TRAK2: variants seen among roughly 807,000 people sequenced by gnomAD.
TRAK2 encodes the protein trafficking kinesin protein 2, also known as trafficking kinesin-binding protein 2.
Under a neutral mutation model 104.6 loss-of-function variants are expected in TRAK2, and 81 were observed. That is an observed-to-expected ratio of 0.77 (90% CI 0.65 to 0.93). TRAK2 has a LOEUF of 0.93. Ranked by LOEUF, TRAK2 falls within the 40% of genes least tolerant of loss-of-function variation. The pLI, the probability that TRAK2 is intolerant of heterozygous loss-of-function variation, is 0.00. For synonymous variants in TRAK2, 406 were observed against 394.4 expected (o/e 1.03, Z -0.35); for missense variants, 1,002 against 1,089.0 (o/e 0.92, Z 1.12).
intron 3 of TRAK2, among the ~76,000 whole-genome samples, chr2:201,403,078 T>TAA (rs11399150): frequency 1.3e-5 from 2 of 152,216 alleles, no homozygotes; most frequent in East Asian, 3.9e-4. Flanking sequence ...GTTAAGGATA[T>TAA]AAAAACAACT....
At chr2:201,401,173 A>C in intron 3 of TRAK2, 79 bp from the exon 4 acceptor site, 13 of 885,610 alleles carry the variant, frequency 1.5e-5, no homozygotes, top group Non-Finnish European at 2.2e-5. Flanking sequence ...TTGAGAGATA[A>C]CAACAACAAA....
intron 1 of TRAK2, among the ~76,000 whole-genome samples, chr2:201,428,014 GT>G (rs1051706770): frequency 6.6e-6 from 1 of 152,140 alleles, no homozygotes; most frequent in African/African-American, 2.4e-5. Context: ...TGATGGGGTT[GT>G]TTGATTTTTT....
intron 1 of TRAK2, among the ~76,000 whole-genome samples, chr2:201,446,864 G>T (rs983111568): frequency 1.3e-5 from 2 of 152,204 alleles, no homozygotes; most frequent in African/African-American, 4.8e-5. Flanking sequence ...AAAGCTTTAT[G>T]ATCTATACAA....
chr2:201,405,604 C>T (rs1559444660), intron 3 of TRAK2, among the ~76,000 whole-genome samples: 1 of 152,118 alleles, frequency 6.6e-6, no homozygotes. Flanking sequence ...CCACAAAGAA[C>T]AAATAAACTA....
Position 201,378,502 on chromosome 2 carries a change from T to C in TRAK2, c.*2041A>G, listed in dbSNP as rs1438605608. ...AGTAATTACTTTCTTAGGGAACAAATAAAAAATTTTAAGAATTGACTAAAG... is the reference window on the plus strand; with the variant it reads ...AGTAATTACTTTCTTAGGGAACAAACAAAAAATTTTAAGAATTGACTAAAG... On this transcript the variant is annotated 3_prime_UTR_variant, in exon 16 of 16. Transcript: ENST00000332624. 1.3e-5 allele frequency: 2 copies of C among 152,066 alleles called. No individual in the cohort carries two copies. The highest frequency in any genetic ancestry group is 1.5e-5 in the Non-Finnish European group (1 of 67,996). 9.4% of individuals were successfully genotyped at this position (152,066 alleles called of 1,614,324 possible).
intron 1 of TRAK2, among the ~76,000 whole-genome samples, chr2:201,448,126 T>C (rs1308275110): frequency 6.6e-6 from 1 of 152,256 alleles, no homozygotes; most frequent in African/African-American, 2.4e-5. Context: ...AGTTTACTTA[T>C]CTGTGACTCT....
At chr2:201,410,255 G>A (rs1252447615) in intron 2 of TRAK2, among the ~76,000 whole-genome samples, 8 of 151,712 alleles carry the variant, frequency 5.3e-5, no homozygotes, top group Non-Finnish European at 8.8e-5. Flanking sequence ...GCAGTGAGCC[G>A]AGATCGCGCC....
intron 10 of TRAK2, among the ~76,000 whole-genome samples, chr2:201,390,637 T>C (rs1951438724): frequency 6.8e-6 from 1 of 146,300 alleles, no homozygotes; most frequent in South Asian, 2.2e-4. Flanking sequence ...TATTAAAAAA[T>C]CACTTAAAAA....
Position 201,420,537 on chromosome 2 carries a change from G to A in TRAK2, c.-30C>T. 6.4e-7 allele frequency: 1 copy of A among 1,562,668 alleles called. No homozygotes were observed. Among genetic ancestry groups the A allele is most frequent in the Non-Finnish European group, 8.8e-7 (1 of 1,133,582 alleles). On this transcript the variant is annotated 5_prime_UTR_variant, in exon 2 of 16. Transcript: ENST00000332624. ...GATCCTTTCTTGCTTTGGTTGAGAA[G>A]GACAGCTTTGGTATGAATCAGAGTA...
intron 1 of TRAK2, among the ~76,000 whole-genome samples, chr2:201,427,909 G>C (rs562508416): frequency 6.6e-6 from 1 of 152,284 alleles, no homozygotes; most frequent in East Asian, 1.9e-4. Context: ...GCATTTCTCT[G>C]ATGGCCAGTG....
At chr2:201,396,413 A>G (rs1951502145) in intron 7 of TRAK2, among the ~76,000 whole-genome samples, 1 of 152,126 alleles carries the variant, frequency 6.6e-6, no homozygotes, top group Admixed American at 6.6e-5. Flanking sequence ...CATTGTTTTC[A>G]ATGTAAAAGG....
chr2:201,409,439 T>C (rs1462210136), intron 2 of TRAK2, among the ~76,000 whole-genome samples: 1 of 152,216 alleles, frequency 6.6e-6, no homozygotes, highest in Non-Finnish European at 1.5e-5. Context: ...AAATGAAATA[T>C]GAAGTTAGTA....
In TRAK2 at chr2:201,420,427, C is replaced by G. The variant is rs147712080; in HGVS notation, c.81G>C (p.Glu27Asp). 1 of 1,613,690 alleles carries G rather than the reference C, an allele frequency of 6.2e-7. No individual in the cohort carries two copies. Among genetic ancestry groups the G allele is most frequent in the Admixed American group, 1.7e-5 (1 of 59,998 alleles). Residue 27 changes from glutamate (E) to aspartate (D), a missense_variant, in exon 2 of 16, where the codon GAG (glutamate) becomes GAC (aspartate). Physicochemically the swap from Glu to Asp is conservative, Grantham distance 45. Transcript: ENST00000332624. The stretch of plus-strand genomic sequence containing the variant: ...TTAAACTGGACTTACCAGTGATGCT[C>G]TCCGAGTCTCTGTGATTGCTATTCA... ...NLMNSNHRDS[E>D]SITDVCSNED...
At chr2:201,384,290 T>A (rs916709737) in intron 14 of TRAK2, 74 bp from the exon 15 acceptor site, 9 of 1,051,820 alleles carry the variant, frequency 8.6e-6, no homozygotes, top group African/African-American at 4.9e-5. Flanking sequence ...CATCATTATT[T>A]ATTAATAATA....
At chr2:201,402,664 A>C (rs1176961817) in intron 3 of TRAK2, among the ~76,000 whole-genome samples, 1 of 152,140 alleles carries the variant, frequency 6.6e-6, no homozygotes, top group African/African-American at 2.4e-5. Flanking sequence ...AATTAAGGCA[A>C]ATACTTACAG....
At chr2:201,423,015 A>T (rs1362915221) in intron 1 of TRAK2, among the ~76,000 whole-genome samples, 1 of 148,450 alleles carries the variant, frequency 6.7e-6, no homozygotes, top group Non-Finnish European at 1.5e-5. Context: ...TTTATGTTGG[A>T]ATAACAACAG....
At position 201,378,785 on chromosome 2, in the gene TRAK2, A is replaced by C. The variant is rs1951311621; in HGVS notation, c.*1758T>G. 6.6e-6 allele frequency: 1 copy of C among 152,322 alleles called. No individual in the cohort carries two copies. The highest frequency in any genetic ancestry group is 6.5e-5 in the Admixed American group (1 of 15,302). The allele number at this position is 152,322 out of a possible 1,614,324, so 9.4% of individuals were successfully genotyped here. A position where few individuals can be genotyped will look rare whatever the true frequency, so the allele number is the denominator to read the frequency against. On this transcript the variant is annotated 3_prime_UTR_variant, in exon 16 of 16. Transcript: ENST00000332624. ...TTTGTTTTTGTGGAATTTATTTAGA[A>C]AAATTTTATTGAGAGATTCTAAAAA...
At chr2:201,442,079 T>C (rs1208873720) in intron 1 of TRAK2, among the ~76,000 whole-genome samples, 2 of 151,184 alleles carry the variant, frequency 1.3e-5, no homozygotes, top group African/African-American at 4.9e-5. Flanking sequence ...GGTAGGTGCC[T>C]ATAGTGGAAA....
At chr2:201,390,112 A>AT (rs1951432129) in intron 10 of TRAK2, among the ~76,000 whole-genome samples, 2 of 152,222 alleles carry the variant, frequency 1.3e-5, no homozygotes, top group Admixed American at 1.3e-4. Flanking sequence ...AATAGAAAAT[A>AT]TATGTGCAGG....
Sources: gnomAD v4.1 joint callset for allele counts (sites outside exome capture counted in the v4.1 genomes callset) on GRCh38, gnomAD v4.1.1 for gene constraint, MANE v1.5 for transcripts, NCBI Gene and HGNC (gene_info 2026-07-23, HGNC 2026-07-21) for gene names.